SLC6A15: variants seen among roughly 807,000 people sequenced by gnomAD.
SLC6A15 encodes the protein solute carrier family 6 member 15.
Under a neutral mutation model 68.5 loss-of-function variants are expected in SLC6A15, and 33 were observed. That is an observed-to-expected ratio of 0.48 (90% confidence interval 0.37 to 0.64). The LOEUF (loss-of-function observed/expected upper bound fraction) is 0.64. Among genes scored for constraint, SLC6A15 ranks in the 30% least tolerant of loss-of-function variants. The pLI, the probability that SLC6A15 is intolerant of heterozygous loss-of-function variation, is 0.00. For synonymous variants in SLC6A15, 347 were observed against 301.0 expected (o/e 1.15, Z -1.58); for missense variants, 747 against 874.3 (o/e 0.85, Z 1.84).
chr12:84,870,811 C>G, intron 8 of SLC6A15, 141 bp from the exon 9 acceptor site: 1 of 487,714 alleles, frequency 2.1e-6, no homozygotes, highest in Non-Finnish European at 3.6e-6. Flanking sequence ...CAGCTCTTAA[C>G]CTGATAAATC....
intron 1 of SLC6A15, among the ~76,000 whole-genome samples, chr12:84,902,937 T>C (rs948791373): frequency 1.3e-5 from 2 of 152,044 alleles, no homozygotes; most frequent in African/African-American, 4.8e-5. Flanking sequence ...TGGTAAGGGA[T>C]AGAAGAAGGT....
chr12:84,880,547 C>T (rs1871775700), intron 5 of SLC6A15, among the ~76,000 whole-genome samples: 1 of 152,094 alleles, frequency 6.6e-6, no homozygotes, highest in African/African-American at 2.4e-5. Context: ...GTTGTATTTC[C>T]AAAACTAGAT....
rs950926713 is a variant in SLC6A15, at chr12:84,860,088, A to C, written c.*1544T>G. On this transcript the variant is annotated 3_prime_UTR_variant, in exon 12 of 12. Coordinates refer to ENST00000266682, the MANE Select transcript of SLC6A15 (RefSeq NM_182767.6). Reference sequence around the variant, plus strand: ...ATGAATATATTTTAAAAGACTAAAAATTTATGCACCAGTGGATTTAATACT... The same window carrying C: ...ATGAATATATTTTAAAAGACTAAAACTTTATGCACCAGTGGATTTAATACT... 12 of 152,102 alleles carry C rather than the reference A, an allele frequency of 7.9e-5. No homozygotes were observed. 9.4% of individuals were successfully genotyped at this position (152,102 alleles called of 1,614,324 possible). A position where few individuals can be genotyped will look rare whatever the true frequency, so the allele number is the denominator to read the frequency against.
chr12:84,891,875 T>C lies in SLC6A15; in HGVS notation c.246A>G (p.Gly82=), dbSNP rs1418739721. The C allele has an allele frequency of 2.5e-6, 4 of 1,614,058 alleles. No homozygotes were observed. Among genetic ancestry groups the C allele is most frequent in the Middle Eastern group, 1.6e-4 (1 of 6,062 alleles). The change falls in exon 2 of 12, where the codon GGA becomes GGG. Residue 82 remains glycine (G), a synonymous_variant. Coordinates refer to ENST00000266682, the MANE Select transcript of SLC6A15 (RefSeq NM_182767.6). ...ATAGGTATGGAAATCGCCACACATT[T>C]CCTAAACCTACAGAAAATCCAACTT... ...LAQVGFSVGL[G]NVWRFPYLCQ...
At chr12:84,891,788 T>C (rs764624009) in intron 2 of SLC6A15, 44 bp downstream of exon 2, 6 of 1,539,660 alleles carry the variant, frequency 3.9e-6, no homozygotes, top group Admixed American at 2.0e-5. Flanking sequence ...AGAAACCCAA[T>C]TGCAATTTAC....
At chr12:84,892,729 T>C (rs766369840) in intron 1 of SLC6A15, among the ~76,000 whole-genome samples, 4 of 152,210 alleles carry the variant, frequency 2.6e-5, no homozygotes, top group Non-Finnish European at 5.9e-5. Context: ...TATAATCTCT[T>C]CTGTTCAAAC....
intron 1 of SLC6A15, among the ~76,000 whole-genome samples, chr12:84,894,583 A>T (rs950961214): frequency 1.3e-5 from 2 of 152,136 alleles, no homozygotes; most frequent in African/African-American, 4.8e-5. Flanking sequence ...GTGAACCATG[A>T]ATCTCCCCCA....
intron 5 of SLC6A15, among the ~76,000 whole-genome samples, chr12:84,880,470 T>C (rs895014749): frequency 6.6e-6 from 1 of 152,216 alleles, no homozygotes; most frequent in Non-Finnish European, 1.5e-5. Context: ...ATAAATTTGT[T>C]TATTGTTTGC....
chr12:84,882,018 A>C, intron 5 of SLC6A15: 1 of 981,348 alleles, frequency 1.0e-6, no homozygotes, highest in Non-Finnish European at 1.2e-6. Flanking sequence ...ATTGTATTAC[A>C]TTTTCTATAT....
intron 6 of SLC6A15, among the ~76,000 whole-genome samples, chr12:84,876,283 C>T (rs1349296068): frequency 6.6e-6 from 1 of 151,836 alleles, no homozygotes; most frequent in Admixed American, 6.6e-5. Context: ...GGTAGCCTTA[C>T]TCTAAAATCA....
At chr12:84,872,838 TG>T (rs1871349209) in intron 7 of SLC6A15, 44 bp from the exon 8 acceptor site, 2 of 1,475,014 alleles carry the variant, frequency 1.4e-6, no homozygotes, top group Non-Finnish European at 1.8e-6. Context: ...AAGAGTTCTT[TG>T]GTGTATAGTT....
rs1758793501 is a variant in SLC6A15 at position 84,872,593 on chromosome 12, C to T, written c.1302+9G>A. 1.2e-6 allele frequency: 2 copies of T among 1,600,972 alleles called. No individual in the cohort carries two copies. The highest frequency in any genetic ancestry group is 1.3e-5 in the African/African-American group (1 of 74,360). ...TAATTATTTTATTGCTCAAACATGGCTTACTAACTTTATTTAGCTCTTCTT... is the reference window on the plus strand; with the variant it reads ...TAATTATTTTATTGCTCAAACATGGTTTACTAACTTTATTTAGCTCTTCTT... On this transcript the variant is annotated intron_variant, in intron 8 of 11. Coordinates refer to ENST00000266682, the MANE Select transcript of SLC6A15 (RefSeq NM_182767.6).
intron 1 of SLC6A15, among the ~76,000 whole-genome samples, chr12:84,907,082 G>C (rs1266952136): frequency 6.6e-6 from 1 of 152,158 alleles, no homozygotes; most frequent in African/African-American, 2.4e-5. Context: ...AGGCGCGGTG[G>C]CTCACGCCTG....
In SLC6A15 at chr12:84,861,366, TAC is replaced by T. The variant is rs1181428079; in HGVS notation, c.*264_*265del. On this transcript the variant is annotated 3_prime_UTR_variant, in exon 12 of 12. Coordinates refer to ENST00000266682, the MANE Select transcript of SLC6A15 (RefSeq NM_182767.6). ...TTTAAGAGATAGAAATATTTGAAAA[TAC>T]ACCAAAGGTACTTAAAAAAAAATCC... 3.2e-6 allele frequency: 1 copy of T among 316,882 alleles called. No homozygotes were observed. Among genetic ancestry groups the T allele is most frequent in the East Asian group, 5.0e-5 (1 of 20,008 alleles). The allele number at this position is 316,882 out of a possible 1,614,324, so 19.6% of individuals were successfully genotyped here.
At chr12:84,891,609 A>T (rs1174070449) in intron 2 of SLC6A15, among the ~76,000 whole-genome samples, 1 of 152,128 alleles carries the variant, frequency 6.6e-6, no homozygotes, top group Non-Finnish European at 1.5e-5. Flanking sequence ...AGAATGTGTT[A>T]CCCTTAAGCA....
chr12:84,880,858 GA>G lies in SLC6A15; in HGVS notation c.756+3000del, dbSNP rs11284946. 9,603 of 945,358 alleles carry G rather than the reference GA, an allele frequency of 0.01. 570 individuals are homozygous for G. The African/African-American group carries it at 0.14, about 14-fold the overall frequency. 58.6% of individuals were successfully genotyped at this position (945,358 alleles called of 1,614,324 possible). On this transcript the variant is annotated intron_variant, in intron 5 of 11. Transcript: ENST00000266682. The stretch of plus-strand genomic sequence containing the variant: ...AAACAAAAACCATTGTTTTACATAT[GA>G]AAAATGTTTATTATAAACATACCTT...
At chr12:84,866,010 A>C (rs1871050290) in intron 10 of SLC6A15, among the ~76,000 whole-genome samples, 1 of 152,224 alleles carries the variant, frequency 6.6e-6, no homozygotes, top group Non-Finnish European at 1.5e-5. Context: ...TATACAGTAC[A>C]TGATTATTAA....
chr12:84,890,227 T>C (rs534239517), intron 2 of SLC6A15, among the ~76,000 whole-genome samples: 1 of 152,322 alleles, frequency 6.6e-6, no homozygotes, highest in East Asian at 1.9e-4. Flanking sequence ...TTTTGACTTT[T>C]TTAATATATG....
At position 84,883,496 on chromosome 12, in the gene SLC6A15, C is replaced by T. The variant is rs116479631; in HGVS notation, c.756+363G>A. ...AAACAAACAAAATGAATGAATTACTCATTTTACCACTTTCCCCAATTTCCA... is the reference window on the plus strand; with the variant it reads ...AAACAAACAAAATGAATGAATTACTTATTTTACCACTTTCCCCAATTTCCA... On this transcript the variant is annotated intron_variant, in intron 5 of 11. Coordinates refer to ENST00000266682, the MANE Select transcript of SLC6A15 (RefSeq NM_182767.6). 1.2e-3 allele frequency: 1,516 copies of T among 1,243,650 alleles called. 17 individuals carry two copies. In the African/African-American group the frequency reaches 0.02, roughly 16 times the overall value. 77.0% of individuals were successfully genotyped at this position (1,243,650 alleles called of 1,614,324 possible).
Sources: gnomAD v4.1 joint callset for allele counts (sites outside exome capture counted in the v4.1 genomes callset) on GRCh38, gnomAD v4.1.1 for gene constraint, MANE v1.5 for transcripts, NCBI Gene and HGNC (gene_info 2026-07-23, HGNC 2026-07-21) for gene names.